LIPE: variants seen among roughly 807,000 people sequenced by gnomAD.
The protein encoded by LIPE is lipase E, hormone sensitive type.
LIPE carries 66 observed loss-of-function variants against 88.5 expected under a neutral mutation model. That is an observed-to-expected ratio of 0.75 (90% CI 0.61 to 0.91). LIPE has a LOEUF of 0.91. LIPE is among the 40% of genes least tolerant of loss of function. The pLI, the probability that LIPE is intolerant of heterozygous loss-of-function variation, is 0.00. For synonymous variants in LIPE, 570 were observed against 617.5 expected (o/e 0.92, Z 1.14); for missense variants, 1,346 against 1,434.7 (o/e 0.94, Z 1.00).
At position 42,426,404 on chromosome 19, in the gene LIPE, G is replaced by A. The variant is rs2040708552; in HGVS notation, c.746C>T (p.Thr249Met). The A allele has an allele frequency of 1.2e-6, 2 of 1,613,968 alleles. No homozygotes were observed. The highest frequency in any genetic ancestry group is 2.2e-5 in the East Asian group (1 of 44,862). The change falls in exon 1 of 10, where the codon ACG becomes ATG. Residue 249 changes from threonine (T) to methionine (M), a missense_variant. Transcript: ENST00000244289. ...GSSSDTDSPATMGGMVAQGVK... is the reference protein window; with the variant it reads ...GSSSDTDSPAMMGGMVAQGVK... ...TCCCTGGGCCACCATTCCACCCATCGTGGCTGGAGAATCTGTGTCTGAAGA... is the reference window on the plus strand; with the variant it reads ...TCCCTGGGCCACCATTCCACCCATCATGGCTGGAGAATCTGTGTCTGAAGA...
rs1346388785 is a variant in LIPE at position 42,407,839 on chromosome 19, G to A, written c.1657-48C>T. The A allele has an allele frequency of 1.9e-6, 3 of 1,548,280 alleles. No individual in the cohort carries two copies. The highest frequency in any genetic ancestry group is 2.3e-5 in the East Asian group (1 of 44,310). On this transcript the variant is annotated intron_variant, in intron 4 of 9. Transcript: ENST00000244289. This position sits in a 1 kb window ranked among gnomAD's most constrained non-coding sequence, Gnocchi z 5.8. ...GTGCTAGGGAAGGTCTGCCTGCAGG[G>A]GTGCCCTTCACCTCTCCCTCTGATC...
In LIPE at chr19:42,413,566, G is replaced by A. The variant is rs372128430; in HGVS notation, c.884-2724C>T. Among the ~76,000 whole-genome samples the A allele has an allele frequency of 4.9e-4, 75 of 152,298 alleles. 1 individual carries two copies. The highest frequency in any genetic ancestry group is 1.7e-3 in the East Asian group (9 of 5,166). ...CTGTAGTCCCAGCTACTCGGGAGGC[G>A]GAGGCAGGAGAATGGTGTGAACCTG... On this transcript the variant is annotated intron_variant, in intron 1 of 9. Transcript: ENST00000244289.
rs150594707 is a variant in LIPE at position 42,408,245 on chromosome 19, G to A, written c.1497C>T (p.Asn499=). The change falls in exon 3 of 10, where the codon AAC becomes AAT. Residue 499 remains asparagine (N), a synonymous_variant. Coordinates refer to ENST00000244289, the MANE Select transcript of LIPE (RefSeq NM_005357.4). The surrounding 1 kb of genome is among the most constrained non-coding windows in gnomAD (Gnocchi z 4.3). ...GCTGGGACTCACTGAGGCCTGTCTCGTTGCGTTTGTAGTGCTCCCCGAAGG... is the reference window on the plus strand; with the variant it reads ...GCTGGGACTCACTGAGGCCTGTCTCATTGCGTTTGTAGTGCTCCCCGAAGG... The part of the protein sequence containing the change: ...LVSFGEHYKR[N]ETGLSVAASS... 443 of 1,614,024 alleles carry A rather than the reference G, an allele frequency of 2.7e-4. 1 individual carries two copies. Among genetic ancestry groups the A allele is most frequent in the Middle Eastern group, 3.3e-4 (2 of 6,062 alleles).
chr19:42,407,981 G>A lies in LIPE; in HGVS notation c.1651C>T (p.Leu551=), dbSNP rs1332302462. ...CATCTGCAACAGGCCCTCACCGATA[G>A]CACTTCCATCTCGGTGATGTTCCAG... is the stretch of plus-strand genomic sequence containing the variant. ...AFWNITEMEV[L]SSLANMASAT... is the part of the protein sequence containing the mutation. Residue 551 remains leucine (L), a synonymous_variant, in exon 4 of 10, where the codon CTA becomes TTA. Coordinates refer to ENST00000244289, the MANE Select transcript of LIPE (RefSeq NM_005357.4). The surrounding 1 kb of genome is among the most constrained non-coding windows in gnomAD (Gnocchi z 5.8). 1 of 1,612,898 alleles carries A rather than the reference G, an allele frequency of 6.2e-7. No individual in the cohort carries two copies. Among genetic ancestry groups the A allele is most frequent in the East Asian group, 2.2e-5 (1 of 44,862 alleles).
rs2040170460 is a variant in LIPE at position 42,406,018 on chromosome 19, A to ACACACG, written c.2365+142_2365+143insCGTGTG. On this transcript the variant is annotated intron_variant, in intron 7 of 9. Transcript: ENST00000244289. The surrounding 1 kb of genome is among the most constrained non-coding windows in gnomAD (Gnocchi z 5.7). The stretch of plus-strand genomic sequence containing the variant: ...CACACACACACACACACACACACAC[A>ACACACG]CGAAAAAAAAGGGACAAGGAGTCTT... The ACACACG allele has an allele frequency of 4.8e-6, 3 of 619,408 alleles. No homozygotes were observed. The South Asian group carries it at 5.8e-5, about 12-fold the overall frequency. 38.4% of individuals were successfully genotyped at this position (619,408 alleles called of 1,614,324 possible).
intron 1 of LIPE, among the ~76,000 whole-genome samples, chr19:42,413,145 C>T (rs957851716): frequency 9.8e-5 from 15 of 152,364 alleles, no homozygotes; most frequent in African/African-American, 3.4e-4. Flanking sequence ...TTGTCACTTC[C>T]AAGAGGTACT....
intron 1 of LIPE, among the ~76,000 whole-genome samples, chr19:42,415,257 A>G (rs1341022404): frequency 6.6e-6 from 1 of 152,158 alleles, no homozygotes; most frequent in Non-Finnish European, 1.5e-5. Context: ...GATGAAAAAT[A>G]GAATAAAATA....
intron 1 of LIPE, among the ~76,000 whole-genome samples, chr19:42,412,854 TG>T (rs1484501173): frequency 3.9e-5 from 6 of 152,024 alleles, no homozygotes; most frequent in African/African-American, 1.4e-4. Context: ...CCCCAGCTGT[TG>T]GGGGGAGAGA....
intron 1 of LIPE, among the ~76,000 whole-genome samples, chr19:42,420,281 G>A (rs920938400): frequency 2.0e-5 from 3 of 152,058 alleles, no homozygotes; most frequent in East Asian, 3.9e-4. Flanking sequence ...CTTTCTGGTC[G>A]GGTGTGAGTG....
At chr19:42,420,905 C>T (rs2040585837) in intron 1 of LIPE, among the ~76,000 whole-genome samples, 2 of 152,020 alleles carry the variant, frequency 1.3e-5, no homozygotes, top group African/African-American at 4.8e-5. Flanking sequence ...ATCCTCCTCT[C>T]TCTCTCTCTT....
chr19:42,407,626 A>G lies in LIPE; in HGVS notation c.1822T>C (p.Tyr608His). Residue 608 changes from tyrosine to histidine, a missense_variant, in exon 5 of 10, where the codon TAT (tyrosine) becomes CAT (histidine). By Grantham distance (83) the Tyr-to-His change is moderately conservative (BLOSUM62 2). Coordinates refer to ENST00000244289, the MANE Select transcript of LIPE (RefSeq NM_005357.4). This position sits in a 1 kb window ranked among gnomAD's most constrained non-coding sequence, Gnocchi z 5.8. ...CCTACCTGTCCTTCACGCAGGTCAT[A>G]GGAGATGAGCCTGACGAGGACGGGC... ...PGPVLVRLIS[Y>H]DLREGQDSEE... is the part of the protein sequence containing the mutation. 1 of 1,610,966 alleles carries G rather than the reference A, an allele frequency of 6.2e-7. No individual in the cohort carries two copies.
chr19:42,422,009 A>T (rs1408385294), intron 1 of LIPE, among the ~76,000 whole-genome samples: 1 of 152,168 alleles, frequency 6.6e-6, no homozygotes, highest in Non-Finnish European at 1.5e-5. Flanking sequence ...GATTATTATG[A>T]TCTCTGTTAC....
intron 1 of LIPE, chr19:42,424,007 G>A (rs995466913): frequency 1.7e-4 from 201 of 1,178,692 alleles, no homozygotes; most frequent in Non-Finnish European, 2.1e-4. Context: ...CTCTGCCTGG[G>A]GTGGGGGCGG....
rs2040454542 is a variant in LIPE at position 42,414,738 on chromosome 19, A to G, written c.884-3896T>C. ...ATTCTGGTAATTTTCACAGTGTTTC[A>G]CACTTTTTCATTATTATTATATTTG... On this transcript the variant is annotated intron_variant, in intron 1 of 9. Coordinates refer to ENST00000244289, the MANE Select transcript of LIPE (RefSeq NM_005357.4). The surrounding 1 kb of genome is among the most constrained non-coding windows in gnomAD (Gnocchi z 4.6). 6.6e-6 allele frequency among the ~76,000 whole-genome samples: 1 copy of G among 152,118 alleles called. No individual in the cohort carries two copies. Among genetic ancestry groups the G allele is most frequent in the Non-Finnish European group, 1.5e-5 (1 of 68,038 alleles).
At chr19:42,411,020 C>T (rs1000963502) in intron 1 of LIPE, among the ~76,000 whole-genome samples, 178 bp from the exon 2 acceptor site, 1 of 152,208 alleles carries the variant, frequency 6.6e-6, no homozygotes, top group African/African-American at 2.4e-5. Context: ...AGGTCACCCT[C>T]TTGTCTCTGG....
rs35662484 is a variant in LIPE, at chr19:42,415,907, A to G, written c.884-5065T>C. On this transcript the variant is annotated intron_variant, in intron 1 of 9. Transcript: ENST00000244289. ...AAACCAGCCACATTTCCTTAAGCCAAAGCCTAATCCCAAGCGAAGCCCTAT... is the reference window on the plus strand; with the variant it reads ...AAACCAGCCACATTTCCTTAAGCCAGAGCCTAATCCCAAGCGAAGCCCTAT... Among the ~76,000 whole-genome samples, 550 of 152,266 alleles carry G rather than the reference A, an allele frequency of 3.6e-3. 4 individuals are homozygous for G. The highest frequency in any genetic ancestry group is 0.012 in the African/African-American group (519 of 41,544).
At chr19:42,422,810 C>T (rs2040625127) in intron 1 of LIPE, among the ~76,000 whole-genome samples, 1 of 152,160 alleles carries the variant, frequency 6.6e-6, no homozygotes, top group Admixed American at 6.5e-5. Context: ...GCCCGTTGTC[C>T]TGGAAAGGGT....
At position 42,407,533 on chromosome 19, in the gene LIPE, T is replaced by TGGGGATGCCAAGGTG. The variant is rs1245081671; in HGVS notation, c.1842+58_1843-66dup. On this transcript the variant is annotated intron_variant, in intron 5 of 9. Transcript: ENST00000244289. The surrounding 1 kb of genome is among the most constrained non-coding windows in gnomAD (Gnocchi z 5.8). ...AGCTGGCCAGGGCTGCACCCCTCCA[T>TGGGGATGCCAAGGTG]GGGGATGCCAAGGTGGGGGCTGCCC... 6.3e-7 allele frequency: 1 copy of TGGGGATGCCAAGGTG among 1,577,456 alleles called. No individual in the cohort carries two copies. Among genetic ancestry groups the TGGGGATGCCAAGGTG allele is most frequent in the Admixed American group, 1.7e-5 (1 of 57,640 alleles).
Position 42,402,610 on chromosome 19 carries a change from G to T in LIPE, c.2964C>A (p.Ile988=). 1 of 1,484,378 alleles carries T rather than the reference G, an allele frequency of 6.7e-7. No individual in the cohort carries two copies. Among genetic ancestry groups the T allele is most frequent in the Non-Finnish European group, 9.0e-7 (1 of 1,114,788 alleles). 92.0% of individuals were successfully genotyped at this position (1,484,378 alleles called of 1,614,324 possible). The change falls in exon 9 of 10, where the codon ATC becomes ATA. Residue 988 remains isoleucine, a synonymous_variant. Coordinates refer to ENST00000244289, the MANE Select transcript of LIPE (RefSeq NM_005357.4). The stretch of plus-strand genomic sequence containing the variant: ...ACCGGCCCCCTCTGTCGCTCACCAC[G>T]ATGTGCACAGGTGGCAGGCTCTTGA... The part of the protein sequence containing the change: ...SMLKSLPPVH[I]VACALDPMLD...
Sources: gnomAD v4.1 joint callset for allele counts (sites outside exome capture counted in the v4.1 genomes callset) on GRCh38, gnomAD v4.1.1 for gene constraint, Gnocchi (gnomAD v3.1) non-coding constraint, MANE v1.5 for transcripts, NCBI Gene and HGNC (gene_info 2026-07-23, HGNC 2026-07-21) for gene names.